Variants in CDH12 observed in about 807,000 individuals in gnomAD.
The protein encoded by CDH12 is cadherin 12.
Under a neutral mutation model 74.1 loss-of-function variants are expected in CDH12, and 41 were observed. The ratio of observed to expected loss-of-function variants is 0.55; its 90% CI spans 0.43 to 0.72. The LOEUF is 0.72. Ranked by LOEUF, CDH12 falls within the 30% of genes least tolerant of loss-of-function variation. The probability of loss-of-function intolerance (pLI) is 0.00; values close to 1 mark genes in which losing one functional copy is unlikely to be tolerated. For missense variants in CDH12, 945 were observed against 977.2 expected, an observed-to-expected ratio of 0.97 and a Z score of 0.44; for synonymous variants, 399 against 355.0, an observed-to-expected ratio of 1.12 and a Z score of -1.39.
At chr5:21,934,118 A>C (rs1032187207) in intron 6 of CDH12, among the ~76,000 whole-genome samples, 3 of 152,096 alleles carry the variant, frequency 2.0e-5, no homozygotes, top group Non-Finnish European at 2.9e-5. Flanking sequence ...ACACACCCAC[A>C]CACACACACT....
intron 5 of CDH12, among the ~76,000 whole-genome samples, chr5:22,011,378 T>C (rs1223305418): frequency 1.3e-5 from 2 of 152,218 alleles, no homozygotes; most frequent in Non-Finnish European, 2.9e-5. Context: ...AAAGTTATTG[T>C]TGATGGCCAT....
intron 3 of CDH12, among the ~76,000 whole-genome samples, chr5:22,292,341 G>GTTTTTTTTTTTTTT (rs60010478): frequency 9.5e-6 from 1 of 105,408 alleles, no homozygotes; most frequent in Non-Finnish European, 2.0e-5. Flanking sequence ...TTTGGTTTTT[G>GTTTTTTTTTTTTTT]TTTTTTTTTT....
At chr5:22,362,087 A>C (rs1416297384) in intron 3 of CDH12, among the ~76,000 whole-genome samples, 1 of 152,238 alleles carries the variant, frequency 6.6e-6, no homozygotes, top group Non-Finnish European at 1.5e-5. Flanking sequence ...AATGTGATCT[A>C]ATTAAACTAA....
intron 1 of CDH12, among the ~76,000 whole-genome samples, chr5:22,651,510 A>G (rs1739735126): frequency 6.6e-6 from 1 of 152,042 alleles, no homozygotes; most frequent in African/African-American, 2.4e-5. Flanking sequence ...CTATAAAACC[A>G]TCAGATGTCA....
chr5:21,772,599 G>A (rs537875717), intron 11 of CDH12, among the ~76,000 whole-genome samples: 2 of 152,170 alleles, frequency 1.3e-5, no homozygotes, highest in African/African-American at 4.8e-5. Context: ...ATACTAAGAA[G>A]TTTATACTAA....
At chr5:21,788,504 C>T (rs1175549650) in intron 10 of CDH12, among the ~76,000 whole-genome samples, 1 of 152,076 alleles carries the variant, frequency 6.6e-6, no homozygotes, top group Non-Finnish European at 1.5e-5. Flanking sequence ...AGTTAAAAAA[C>T]TATTAATTTC....
intron 2 of CDH12, among the ~76,000 whole-genome samples, chr5:22,414,535 T>C (rs181145195): frequency 8.2e-4 from 124 of 152,090 alleles, no homozygotes; most frequent in African/African-American, 2.9e-3. Flanking sequence ...CTTAAATTCT[T>C]AGTGGGGTAG....
chr5:22,833,571 T>C (rs1363514251), intron 1 of CDH12, among the ~76,000 whole-genome samples: 1 of 152,240 alleles, frequency 6.6e-6, no homozygotes, highest in African/African-American at 2.4e-5. Flanking sequence ...AATAAGAGTT[T>C]GTACATATTT....
chr5:22,787,720 C>T lies in CDH12; in HGVS notation c.-523+65338G>A, dbSNP rs570658375. Among the ~76,000 whole-genome samples the T allele has an allele frequency of 4.3e-4, 65 of 152,204 alleles. No individual in the cohort carries two copies. In the South Asian group the frequency reaches 0.013, roughly 30 times the overall value. On this transcript the variant is annotated intron_variant, in intron 1 of 14. Coordinates refer to ENST00000382254, the MANE Select transcript of CDH12 (RefSeq NM_004061.5). ...GCTGCAATCATGGTAGTAGCTCTCG[C>T]TACAAACATTTTAAGGTTCAACTGG... is the stretch of plus-strand genomic sequence containing the variant.
intron 1 of CDH12, among the ~76,000 whole-genome samples, chr5:22,821,871 G>GA (rs1407121643): frequency 6.6e-6 from 1 of 151,040 alleles, no homozygotes; most frequent in Non-Finnish European, 1.5e-5. Flanking sequence ...CACAGAATTG[G>GA]AAAAAACTAC....
intron 6 of CDH12, among the ~76,000 whole-genome samples, chr5:21,948,785 G>A (rs900091349): frequency 2.6e-5 from 4 of 152,156 alleles, no homozygotes; most frequent in Non-Finnish European, 5.9e-5. Flanking sequence ...TAATACCCAT[G>A]TGTTGAGGGC....
At chr5:22,120,404 A>C (rs144865651) in intron 4 of CDH12, among the ~76,000 whole-genome samples, 3 of 152,286 alleles carry the variant, frequency 2.0e-5, no homozygotes, top group African/African-American at 7.2e-5. Context: ...GAAGTATTAC[A>C]TGTATGAGAA....
Position 21,874,321 on chromosome 5 carries a change from G to A in CDH12, c.527-19531C>T, listed in dbSNP as rs115333730. ...ATGCAAATCAAAACTGAGAGACACA[G>A]GACTAGCTGGATTTCCTAGGCTGAC... is the stretch of plus-strand genomic sequence containing the variant. On this transcript the variant is annotated intron_variant, in intron 6 of 14. Transcript: ENST00000382254. 8.9e-3 allele frequency among the ~76,000 whole-genome samples: 1,356 copies of A among 152,230 alleles called. 14 individuals carry two copies. Among genetic ancestry groups the A allele is most frequent in the African/African-American group, 0.031 (1,302 of 41,550 alleles).
intron 5 of CDH12, among the ~76,000 whole-genome samples, chr5:22,078,219 CT>C (rs1195196859): frequency 6.6e-6 from 1 of 152,050 alleles, no homozygotes; most frequent in Non-Finnish European, 1.5e-5. Flanking sequence ...GAAATATATA[CT>C]ATTTTCATTA....
intron 1 of CDH12, among the ~76,000 whole-genome samples, chr5:22,695,373 C>T (rs550219768): frequency 6.6e-6 from 1 of 152,100 alleles, no homozygotes; most frequent in East Asian, 1.9e-4. Context: ...ATTGGGATTG[C>T]TGGGTCAAAT....
chr5:22,512,004 T>C (rs1285585653), intron 1 of CDH12, among the ~76,000 whole-genome samples: 2 of 152,010 alleles, frequency 1.3e-5, no homozygotes, highest in African/African-American at 2.4e-5. Context: ...GTTGAGCATG[T>C]GTGATGTTAG....
At chr5:22,581,617 G>A (rs1442586529) in intron 1 of CDH12, among the ~76,000 whole-genome samples, 1 of 152,172 alleles carries the variant, frequency 6.6e-6, no homozygotes, top group African/African-American at 2.4e-5. Context: ...TACCTACTGG[G>A]ACACTGCCTA....
intron 1 of CDH12, among the ~76,000 whole-genome samples, chr5:22,711,976 G>A (rs913081459): frequency 1.1e-4 from 16 of 152,054 alleles, no homozygotes; most frequent in Middle Eastern, 3.4e-3. Flanking sequence ...TACTTTGTTA[G>A]CATTCAGGAT....
chr5:22,663,455 A>T (rs890453982), intron 1 of CDH12, among the ~76,000 whole-genome samples: 2 of 152,288 alleles, frequency 1.3e-5, no homozygotes, highest in South Asian at 4.1e-4. Context: ...TTTGCAGTTT[A>T]CTTTCATATT....
Sources: allele counts gnomAD v4.1 joint callset (sites outside exome capture counted in the v4.1 genomes callset), GRCh38; gene constraint gnomAD v4.1.1; transcripts MANE v1.5; gene names NCBI Gene and HGNC (gene_info 2026-07-23, HGNC 2026-07-21).